ABHD5: variants seen among roughly 807,000 people sequenced by gnomAD.
ABHD5 encodes abhydrolase domain containing 5, lysophosphatidic acid acyltransferase, also known as 1-acylglycerol-3-phosphate O-acyltransferase ABHD5.
In ABHD5, 30 loss-of-function variants were observed where a neutral mutation model predicts 44.9. The observed-to-expected ratio is 0.67, with a 90% CI of 0.50 to 0.91. The LOEUF (loss-of-function observed/expected upper bound fraction) is 0.91, where lower values mean the gene tolerates loss of function less well. Among genes scored for constraint, ABHD5 ranks in the 40% least tolerant of loss-of-function variants. The pLI, the probability that ABHD5 is intolerant of heterozygous loss-of-function variation, is 0.00. For missense variants in ABHD5, 399 were observed against 423.4 expected, an observed-to-expected ratio of 0.94 and a Z score of 0.50; for synonymous variants, 167 against 147.0, an observed-to-expected ratio of 1.14 and a Z score of -0.99.
intron 3 of ABHD5, among the ~76,000 whole-genome samples, chr3:43,706,848 A>G (rs2084626355): frequency 6.6e-6 from 1 of 152,064 alleles, no homozygotes; most frequent in African/African-American, 2.4e-5. Context: ...CGTTTTATGC[A>G]TGGAGGGAAA....
intron 7 of ABHD5, chr3:43,733,738 A>C (rs1047171559): frequency 1.3e-5 from 2 of 152,224 alleles, no homozygotes; most frequent in African/African-American, 4.8e-5. Context: ...TTTGGGGTAC[A>C]TATTTTCACA....
chr3:43,714,219 C>T (rs1379104554), intron 4 of ABHD5, among the ~76,000 whole-genome samples: 1 of 151,180 alleles, frequency 6.6e-6, no homozygotes, highest in Non-Finnish European at 1.5e-5. Flanking sequence ...ACTACAACCT[C>T]CACCTCCCAG....
chr3:43,697,394 C>T (rs1253246586), intron 1 of ABHD5, among the ~76,000 whole-genome samples: 3 of 151,728 alleles, frequency 2.0e-5, no homozygotes, highest in South Asian at 2.1e-4. Context: ...TGATATGGTT[C>T]GAGGGATGTT....
Position 43,715,625 on chromosome 3 carries a change from A to G in ABHD5, c.773+567A>G, listed in dbSNP as rs571780366. The stretch of plus-strand genomic sequence containing the variant: ...TTCTGATGGGGGATTAAGAAGTAAC[A>G]TGTTCACTCTTCCCTCAAAGTTCTC... On this transcript the variant is annotated intron_variant, in intron 5 of 6. Transcript: ENST00000644371. Among the ~76,000 whole-genome samples the G allele has an allele frequency of 8.3e-4, 127 of 152,296 alleles. 2 individuals are homozygous for G. The highest frequency in any genetic ancestry group is 7.4e-3 in the Admixed American group (113 of 15,300).
At chr3:43,728,230 A>G (rs1029819021) in intron 7 of ABHD5, among the ~76,000 whole-genome samples, 1 of 152,222 alleles carries the variant, frequency 6.6e-6, no homozygotes, top group Admixed American at 6.5e-5. Flanking sequence ...TACTATGCCA[A>G]CAAAAGCAAC....
downstream of ABHD5, among the ~76,000 whole-genome samples, chr3:43,723,565 A>G (rs531032097): frequency 6.6e-6 from 1 of 152,356 alleles, no homozygotes; most frequent in Non-Finnish European, 1.5e-5. Context: ...AACCCAACAC[A>G]CCATGTTGAA....
chr3:43,710,777 T>G (rs1006546606), intron 3 of ABHD5, among the ~76,000 whole-genome samples: 11 of 152,236 alleles, frequency 7.2e-5, no homozygotes, highest in African/African-American at 2.7e-4. Flanking sequence ...GGGAGATTTT[T>G]GGCTGGCATT....
chr3:43,708,502 T>C (rs1319625932), intron 3 of ABHD5, among the ~76,000 whole-genome samples: 1 of 152,218 alleles, frequency 6.6e-6, no homozygotes, highest in Non-Finnish European at 1.5e-5. Context: ...ATCAAGCTCT[T>C]CTGAAGAATA....
chr3:43,697,990 T>C (rs2084494095), intron 1 of ABHD5, among the ~76,000 whole-genome samples: 1 of 152,204 alleles, frequency 6.6e-6, no homozygotes, highest in Non-Finnish European at 1.5e-5. Context: ...ACTTAATCAC[T>C]CAGCAAACAT....
chr3:43,691,110 AGCGGGCAG>A, intron 1 of ABHD5, 71 bp downstream of exon 1: 1 of 1,425,254 alleles, frequency 7.0e-7, no homozygotes. Context: ...GTTAGGGCCC[AGCGGGCAG>A]CACCAAGGAG....
At chr3:43,725,374 G>A (rs1179055620), downstream of ABHD5, among the ~76,000 whole-genome samples, 1 of 152,170 alleles carries the variant, frequency 6.6e-6, no homozygotes, top group Admixed American at 6.5e-5. Flanking sequence ...GTTAGAACTA[G>A]TTAGCGTTTA....
At chr3:43,702,136 A>G (rs1431504289) in intron 2 of ABHD5, 79 bp from the exon 3 acceptor site, 1 of 1,310,380 alleles carries the variant, frequency 7.6e-7, no homozygotes, top group East Asian at 2.4e-5. Flanking sequence ...ATGATTTGTA[A>G]TTTTTGGTTG....
chr3:43,714,283 C>T (rs1329963352), intron 4 of ABHD5, among the ~76,000 whole-genome samples: 1 of 151,782 alleles, frequency 6.6e-6, no homozygotes. Flanking sequence ...TACAGGTGCA[C>T]GCCACCACGC....
Position 43,720,406 on chromosome 3 carries a change from A to G in ABHD5, c.*1874A>G, listed in dbSNP as rs1360508250. The G allele has an allele frequency of 6.6e-6, 1 of 152,192 alleles. No individual in the cohort carries two copies. The highest frequency in any genetic ancestry group is 1.5e-5 in the Non-Finnish European group (1 of 68,034). The allele number at this position is 152,192 out of a possible 1,614,324, so 9.4% of individuals were successfully genotyped here. Reference sequence around the variant, plus strand: ...TGGAGTTTCTGGCCGCAGATGTGCCAAGTGATTGAAGAAAGATATACCCCA... The same window carrying G: ...TGGAGTTTCTGGCCGCAGATGTGCCGAGTGATTGAAGAAAGATATACCCCA... On this transcript the variant is annotated 3_prime_UTR_variant, in exon 7 of 7. Coordinates refer to ENST00000644371, the MANE Select transcript of ABHD5 (RefSeq NM_016006.6).
At chr3:43,717,644 A>C in intron 5 of ABHD5, 27 bp from the exon 6 acceptor site, 1 of 1,611,516 alleles carries the variant, frequency 6.2e-7, no homozygotes, top group Non-Finnish European at 8.5e-7. Context: ...AAAATCATAC[A>C]TCGTGATTTT....
At chr3:43,712,541 CT>C (rs1355551784) in intron 4 of ABHD5, among the ~76,000 whole-genome samples, 9 of 152,142 alleles carry the variant, frequency 5.9e-5, no homozygotes, top group African/African-American at 2.2e-4. Context: ...ATGTTCTGAA[CT>C]TCTGCCTTTC....
chr3:43,710,484 A>C (rs936107795), intron 3 of ABHD5, among the ~76,000 whole-genome samples: 2 of 152,144 alleles, frequency 1.3e-5, no homozygotes, highest in African/African-American at 4.8e-5. Context: ...TATGTACCGG[A>C]GCAGGTCATG....
At chr3:43,717,176 A>G (rs1473737621) in intron 5 of ABHD5, among the ~76,000 whole-genome samples, 1 of 147,382 alleles carries the variant, frequency 6.8e-6, no homozygotes, top group African/African-American at 2.6e-5. Context: ...CTCCATCTCA[A>G]AAAAAACAAA....
chr3:43,731,887 G>T (rs1055011036), intron 7 of ABHD5, among the ~76,000 whole-genome samples: 11 of 151,824 alleles, frequency 7.2e-5, no homozygotes, highest in African/African-American at 2.7e-4. Context: ...ATTTCAGGAT[G>T]GCAACTGCAG....
Sources: allele counts gnomAD v4.1 joint callset (sites outside exome capture counted in the v4.1 genomes callset), GRCh38; gene constraint gnomAD v4.1.1; transcripts MANE v1.5; gene names NCBI Gene and HGNC (gene_info 2026-07-23, HGNC 2026-07-21).